LRRC4C: variants seen among roughly 807,000 people sequenced by gnomAD.
LRRC4C encodes leucine-rich repeat-containing protein 4C.
A neutral mutation model predicts 33.6 loss-of-function variants in LRRC4C; 5 were observed. That is an observed-to-expected ratio of 0.15 (90% confidence interval 0.08 to 0.31). The LOEUF is 0.31. LRRC4C is among the 10% of genes least tolerant of loss of function. The probability of loss-of-function intolerance (pLI) is 1.00; values close to 1 mark genes in which losing one functional copy is unlikely to be tolerated. For synonymous variants in LRRC4C, 329 were observed against 302.0 expected (o/e 1.09, Z -0.93); for missense variants, 560 against 796.7 (o/e 0.70, Z 3.58).
At chr11:41,249,101 C>T (rs1271476090) in intron 1 of LRRC4C, among the ~76,000 whole-genome samples, 1 of 150,872 alleles carries the variant, frequency 6.6e-6, no homozygotes, top group African/African-American at 2.4e-5. Flanking sequence ...GTGGCACGAT[C>T]TCGGCTCACT....
chr11:40,460,239 A>G (rs901107316), intron 3 of LRRC4C, among the ~76,000 whole-genome samples: 3 of 152,060 alleles, frequency 2.0e-5, no homozygotes, highest in African/African-American at 7.2e-5. Flanking sequence ...ACTGTGCTAC[A>G]TGTTTGCAAT....
chr11:40,475,726 T>C (rs946080798), intron 3 of LRRC4C, among the ~76,000 whole-genome samples: 7 of 152,188 alleles, frequency 4.6e-5, no homozygotes, highest in Admixed American at 3.9e-4. Context: ...TTGATATTTA[T>C]ACAACTTCAC....
chr11:40,841,759 G>A lies in LRRC4C; in HGVS notation c.-407+91876C>T, dbSNP rs184911877. Among the ~76,000 whole-genome samples, 181 of 152,288 alleles carry A rather than the reference G, an allele frequency of 1.2e-3. No homozygotes were observed. In the Middle Eastern group the frequency reaches 0.014, roughly 11 times the overall value. ...CAATAAAAATACTGGACATAATTAA[G>A]TTCTGAGAAAACGCATTTTTCTTTT... On this transcript the variant is annotated intron_variant, in intron 2 of 6. Coordinates refer to ENST00000528697, the MANE Select transcript of LRRC4C (RefSeq NM_001258419.2).
intron 2 of LRRC4C, among the ~76,000 whole-genome samples, chr11:40,686,967 G>C (rs934835874): frequency 6.6e-6 from 1 of 152,054 alleles, no homozygotes; most frequent in Non-Finnish European, 1.5e-5. Context: ...CAGGCCACAC[G>C]CAAGACTTCC....
intron 2 of LRRC4C, among the ~76,000 whole-genome samples, chr11:40,740,898 C>A (rs551860724): frequency 1.3e-5 from 2 of 151,968 alleles, no homozygotes. Flanking sequence ...TACATTCCCC[C>A]CATTGGTACC....
chr11:40,264,973 C>T (rs1232852638), intron 4 of LRRC4C, among the ~76,000 whole-genome samples: 3 of 152,106 alleles, frequency 2.0e-5, no homozygotes, highest in Non-Finnish European at 2.9e-5. Flanking sequence ...AACTAAACGG[C>T]TAAAGGTCAA....
intron 3 of LRRC4C, among the ~76,000 whole-genome samples, chr11:40,343,330 C>T (rs984857728): frequency 6.9e-6 from 1 of 145,044 alleles, no homozygotes; most frequent in Non-Finnish European, 1.5e-5. Flanking sequence ...TGCTATTAAG[C>T]ACTAAAACTT....
At chr11:41,124,009 T>A (rs1942611428) in intron 1 of LRRC4C, among the ~76,000 whole-genome samples, 1 of 152,186 alleles carries the variant, frequency 6.6e-6, no homozygotes, top group African/African-American at 2.4e-5. Context: ...TTTTGAAGCC[T>A]AAATTCCTAT....
At chr11:40,566,641 C>T (rs1478876999) in intron 3 of LRRC4C, among the ~76,000 whole-genome samples, 1 of 152,026 alleles carries the variant, frequency 6.6e-6, no homozygotes, top group Non-Finnish European at 1.5e-5. Flanking sequence ...TGTTACACTT[C>T]TTGATATATT....
chr11:41,177,169 G>A (rs1301757496), intron 1 of LRRC4C, among the ~76,000 whole-genome samples: 1 of 152,122 alleles, frequency 6.6e-6, no homozygotes, highest in Non-Finnish European at 1.5e-5. Flanking sequence ...GATATGTCTG[G>A]CATATTTGAC....
chr11:40,757,109 G>A (rs943060303), intron 2 of LRRC4C, among the ~76,000 whole-genome samples: 8 of 151,890 alleles, frequency 5.3e-5, no homozygotes, highest in East Asian at 1.9e-4. Flanking sequence ...ATGCCAACTC[G>A]ACAATACTAC....
chr11:40,757,214 A>T (rs1948996829), intron 2 of LRRC4C, among the ~76,000 whole-genome samples: 1 of 152,046 alleles, frequency 6.6e-6, no homozygotes, highest in Admixed American at 6.6e-5. Flanking sequence ...TCACCCAGTC[A>T]TGAGACTAGG....
chr11:41,053,585 T>C (rs541322672), intron 1 of LRRC4C, among the ~76,000 whole-genome samples: 6 of 152,172 alleles, frequency 3.9e-5, no homozygotes, highest in African/African-American at 9.6e-5. Context: ...ATGTTTAAAC[T>C]GCTAATTTTT....
chr11:40,369,492 C>A (rs1948357445), intron 3 of LRRC4C, among the ~76,000 whole-genome samples: 1 of 152,132 alleles, frequency 6.6e-6, no homozygotes, highest in African/African-American at 2.4e-5. Context: ...GCATGCACCA[C>A]CATGCCCAGC....
chr11:40,888,524 C>T (rs920821850), intron 2 of LRRC4C, among the ~76,000 whole-genome samples: 2 of 151,920 alleles, frequency 1.3e-5, no homozygotes, highest in African/African-American at 4.8e-5. Flanking sequence ...GGAAGTTGTT[C>T]TTTGCTGAAA....
intron 2 of LRRC4C, among the ~76,000 whole-genome samples, chr11:40,682,284 G>C (rs1944729949): frequency 6.9e-6 from 1 of 144,334 alleles, no homozygotes; most frequent in African/African-American, 2.7e-5. Context: ...AAAAAAAAAA[G>C]CATAAAAGTA....
intron 3 of LRRC4C, among the ~76,000 whole-genome samples, chr11:40,627,223 T>C (rs1217221193): frequency 6.6e-6 from 1 of 150,946 alleles, no homozygotes; most frequent in Non-Finnish European, 1.5e-5. Context: ...CTACCAATAT[T>C]TCACTTCAAA....
At chr11:40,126,364 G>C (rs1336920843) in intron 6 of LRRC4C, among the ~76,000 whole-genome samples, 5 of 152,048 alleles carry the variant, frequency 3.3e-5, no homozygotes, top group African/African-American at 1.2e-4. Context: ...CATTAGGTGA[G>C]ATGTTCTGAC....
intron 3 of LRRC4C, among the ~76,000 whole-genome samples, chr11:40,487,662 CA>C (rs564498901): frequency 6.6e-6 from 1 of 151,128 alleles, no homozygotes; most frequent in African/African-American, 2.4e-5. Flanking sequence ...ATTTCCATTA[CA>C]AAAAAAATAG....
Sources: gnomAD v4.1 joint callset for allele counts (sites outside exome capture counted in the v4.1 genomes callset) on GRCh38, gnomAD v4.1.1 for gene constraint, MANE v1.5 for transcripts, NCBI Gene and HGNC (gene_info 2026-07-23, HGNC 2026-07-21) for gene names.